ADAMTS18: variants seen among roughly 807,000 people sequenced by gnomAD.
ADAMTS18 encodes ADAM metallopeptidase with thrombospondin type 1 motif 18, also known as A disintegrin and metalloproteinase with thrombospondin motifs 18.
A neutral mutation model predicts 165.9 loss-of-function variants in ADAMTS18; 157 were observed. The ratio of observed to expected loss-of-function variants is 0.95; its 90% CI spans 0.83 to 1.08. ADAMTS18 has a LOEUF of 1.08. ADAMTS18 is among the 50% of genes least tolerant of loss of function. ADAMTS18 has a pLI of 0.00. For synonymous variants in ADAMTS18, 782 were observed against 578.2 expected (o/e 1.35, Z -5.06); for missense variants, 2,040 against 1,534.0 (o/e 1.33, Z -5.51).
intron 11 of ADAMTS18, among the ~76,000 whole-genome samples, chr16:77,336,470 G>C (rs2056312664): frequency 6.6e-6 from 1 of 151,822 alleles, no homozygotes; most frequent in Non-Finnish European, 1.5e-5. Flanking sequence ...CGTCACTATA[G>C]AGCATTTCTT....
rs558236708 is a variant in ADAMTS18 at position 77,374,336 on chromosome 16, A to G, written c.496-6613T>C. 4.4e-4 allele frequency among the ~76,000 whole-genome samples: 67 copies of G among 152,266 alleles called. No homozygotes were observed. The South Asian group carries it at 0.011, about 26-fold the overall frequency. On this transcript the variant is annotated intron_variant, in intron 3 of 22. Coordinates refer to ENST00000282849, the MANE Select transcript of ADAMTS18 (RefSeq NM_199355.4). The stretch of plus-strand genomic sequence containing the variant: ...AGACATAGGAAGTGACAATTTCAAG[A>G]CTATAATGCACATGAACTTGTCTAT...
chr16:77,371,389 G>C (rs1316122026), intron 3 of ADAMTS18, among the ~76,000 whole-genome samples: 3 of 152,090 alleles, frequency 2.0e-5, no homozygotes, highest in Non-Finnish European at 2.9e-5. Context: ...AAATATACTA[G>C]AAAGCTACAG....
chr16:77,397,154 T>C (rs916941604), intron 3 of ADAMTS18, among the ~76,000 whole-genome samples: 4 of 152,110 alleles, frequency 2.6e-5, no homozygotes, highest in African/African-American at 4.8e-5. Flanking sequence ...TCTAACACAA[T>C]TATTTCTACA....
Position 77,335,744 on chromosome 16 carries a change from C to G in ADAMTS18, c.1859+12G>C, listed in dbSNP as rs1220786842. On this transcript the variant is annotated intron_variant, in intron 12 of 22. Coordinates refer to ENST00000282849, the MANE Select transcript of ADAMTS18 (RefSeq NM_199355.4). ...AGGCCTTGCAAAGACTAACTTTCTGCTGGAGGCTTACTTGGGGTTATTGCA... is the reference window on the plus strand; with the variant it reads ...AGGCCTTGCAAAGACTAACTTTCTGGTGGAGGCTTACTTGGGGTTATTGCA... 2 of 1,614,066 alleles carry G rather than the reference C, an allele frequency of 1.2e-6. No individual in the cohort carries two copies. The highest frequency in any genetic ancestry group is 2.7e-5 in the African/African-American group (2 of 74,932).
At position 77,427,056 on chromosome 16, in the gene ADAMTS18, A is replaced by T. The variant is rs138896647; in HGVS notation, c.495+4239T>A. Reference sequence around the variant, plus strand: ...TAAAAAATGATGAGTCAATGTGTCTAACAAGTTCCAAAAATACAAGCATTT... The same window carrying T: ...TAAAAAATGATGAGTCAATGTGTCTTACAAGTTCCAAAAATACAAGCATTT... On this transcript the variant is annotated intron_variant, in intron 3 of 22. Transcript: ENST00000282849. Among the ~76,000 whole-genome samples the T allele has an allele frequency of 1.1e-4, 16 of 151,986 alleles. No individual in the cohort carries two copies. In the East Asian group the frequency reaches 3.1e-3, roughly 29 times the overall value.
chr16:77,377,758 A>G (rs1254987643), intron 3 of ADAMTS18, among the ~76,000 whole-genome samples: 1 of 152,230 alleles, frequency 6.6e-6, no homozygotes, highest in Non-Finnish European at 1.5e-5. Context: ...AAGATGTCAC[A>G]TTCTTTAAAA....
rs116725920 is a variant in ADAMTS18 at position 77,366,823 on chromosome 16, T to A, written c.778+618A>T. On this transcript the variant is annotated intron_variant, in intron 4 of 22. Coordinates refer to ENST00000282849, the MANE Select transcript of ADAMTS18 (RefSeq NM_199355.4). ...CTCTCTAATAATTTGTTATCCTGAT[T>A]ACATGTTGAGATAATATTTTGTACA... 2.6e-5 allele frequency among the ~76,000 whole-genome samples: 4 copies of A among 152,250 alleles called. No individual in the cohort carries two copies. The East Asian group carries it at 7.7e-4, about 29-fold the overall frequency.
At chr16:77,333,501 A>AAT (rs1555513944) in intron 12 of ADAMTS18, among the ~76,000 whole-genome samples, 1 of 151,588 alleles carries the variant, frequency 6.6e-6, no homozygotes, top group Non-Finnish European at 1.5e-5. Flanking sequence ...CCAAAAAAAA[A>AAT]AAAATAAAAC....
intron 14 of ADAMTS18, among the ~76,000 whole-genome samples, chr16:77,322,104 A>G (rs1231176225): frequency 6.8e-6 from 1 of 146,390 alleles, no homozygotes; most frequent in Non-Finnish European, 1.5e-5. Context: ...ACAGTGAGCT[A>G]AGATCGCACC....
intron 17 of ADAMTS18, among the ~76,000 whole-genome samples, chr16:77,298,135 C>G (rs1482880081): frequency 6.6e-6 from 1 of 151,694 alleles, no homozygotes; most frequent in Admixed American, 6.6e-5. Context: ...TCAGGCTGGT[C>G]TTGAACTCCT....
intron 18 of ADAMTS18, among the ~76,000 whole-genome samples, chr16:77,295,432 G>A (rs769114206): frequency 4.6e-5 from 7 of 152,290 alleles, no homozygotes; most frequent in Non-Finnish European, 8.8e-5. Context: ...TTTTAACTAT[G>A]TGTCAGGGAC....
At chr16:77,402,588 G>T (rs1399131576) in intron 3 of ADAMTS18, among the ~76,000 whole-genome samples, 1 of 152,190 alleles carries the variant, frequency 6.6e-6, no homozygotes, top group Non-Finnish European at 1.5e-5. Context: ...CCACATTTAG[G>T]CAGAATGTAA....
At position 77,283,641 on chromosome 16, in the gene ADAMTS18, G is replaced by A; in HGVS notation, c.*315C>T. ...CCTTGAACCCTTTGAAGTTCAAAAG[G>A]GGGTCTCTCCCCAAATCGACGTATC... On this transcript the variant is annotated 3_prime_UTR_variant, in exon 23 of 23. Transcript: ENST00000282849. 1 of 326,536 alleles carries A rather than the reference G, an allele frequency of 3.1e-6. No homozygotes were observed. The allele number at this position is 326,536 out of a possible 1,614,324, so 20.2% of individuals were successfully genotyped here.
chr16:77,289,197 A>ACAAAGTAGCCTTTGAAAAAATTAT, intron 22 of ADAMTS18, 67 bp downstream of exon 22: 1 of 1,587,768 alleles, frequency 6.3e-7, no homozygotes, highest in Non-Finnish European at 8.6e-7. Context: ...TGCACTACTA[A>ACAAAGTAGCCTTTGAAAAAATTAT]CAAAGTAGCC....
chr16:77,433,422 G>A (rs762525875), intron 2 of ADAMTS18: 1 of 152,248 alleles, frequency 6.6e-6, no homozygotes, highest in Non-Finnish European at 1.5e-5. Flanking sequence ...AAGAAGGGCA[G>A]TCAGTGTCCC....
chr16:77,331,117 T>G (rs972210309), intron 12 of ADAMTS18, among the ~76,000 whole-genome samples: 17 of 152,344 alleles, frequency 1.1e-4, no homozygotes, highest in African/African-American at 4.1e-4. Context: ...TGAAAATACT[T>G]TAGTGATTAA....
chr16:77,368,137 C>T (rs1332192762), intron 3 of ADAMTS18, among the ~76,000 whole-genome samples: 1 of 152,178 alleles, frequency 6.6e-6, no homozygotes, highest in East Asian at 1.9e-4. Context: ...GTATGAGTCA[C>T]CGTACCTGGC....
At chr16:77,284,348 A>C (rs1364281) in intron 22 of ADAMTS18, among the ~76,000 whole-genome samples, 1 of 151,932 alleles carries the variant, frequency 6.6e-6, no homozygotes, top group South Asian at 2.1e-4. Flanking sequence ...GGCTGGTCTC[A>C]AATTCCTGAG....
intron 6 of ADAMTS18, among the ~76,000 whole-genome samples, chr16:77,363,531 T>G (rs2056746273): frequency 1.3e-5 from 1 of 77,686 alleles, no homozygotes; most frequent in Non-Finnish European, 2.3e-5. Context: ...TTATTTATAT[T>G]ATCTATTTGT....
Sources: gnomAD v4.1 joint callset for allele counts (sites outside exome capture counted in the v4.1 genomes callset) on GRCh38, gnomAD v4.1.1 for gene constraint, MANE v1.5 for transcripts, NCBI Gene and HGNC (gene_info 2026-07-23, HGNC 2026-07-21) for gene names.